The following RGMB variants were observed in gnomAD, a reference collection of about 807,000 sequenced individuals.
RGMB encodes the protein repulsive guidance molecule BMP co-receptor b.
In RGMB, 16 loss-of-function variants were observed where a neutral mutation model predicts 26.9. The observed-to-expected ratio is 0.60, with a 90% CI of 0.40 to 0.90. The LOEUF (loss-of-function observed/expected upper bound fraction) is 0.90, where lower values mean the gene tolerates loss of function less well. Ranked by LOEUF, RGMB falls within the 40% of genes least tolerant of loss-of-function variation. The probability of loss-of-function intolerance (pLI) is 0.00; values close to 1 mark genes in which losing one functional copy is unlikely to be tolerated. For synonymous variants in RGMB, 225 were observed against 229.3 expected, an observed-to-expected ratio of 0.98 and a Z score of 0.17; for missense variants, 512 against 573.3, an observed-to-expected ratio of 0.89 and a Z score of 1.09.
chr5:98,791,563 TAGA>T (rs1012895280), intron 2 of RGMB, among the ~76,000 whole-genome samples: 2 of 152,084 alleles, frequency 1.3e-5, no homozygotes, highest in African/African-American at 4.8e-5. Flanking sequence ...TTGCAGGAGG[TAGA>T]AGGTTTCCTC....
At chr5:98,791,942 A>T (rs1019654455) in intron 2 of RGMB, among the ~76,000 whole-genome samples, 2 of 152,120 alleles carry the variant, frequency 1.3e-5, no homozygotes, top group African/African-American at 4.8e-5. Context: ...TTTTTCTTTG[A>T]TGAATTTATG....
At chr5:98,788,487 C>A (rs1383709926) in intron 2 of RGMB, among the ~76,000 whole-genome samples, 2 of 152,096 alleles carry the variant, frequency 1.3e-5, no homozygotes, top group Non-Finnish European at 2.9e-5. Context: ...TTAAATATGG[C>A]ATATATAAAA....
intron 1 of RGMB, among the ~76,000 whole-genome samples, chr5:98,776,988 AG>A (rs1356896146): frequency 6.6e-6 from 1 of 151,768 alleles, no homozygotes; most frequent in Admixed American, 6.6e-5. Context: ...AGGGAGGCTG[AG>A]GTAGGAGAAT....
At chr5:98,772,376 T>G (rs1746194465), upstream of RGMB, among the ~76,000 whole-genome samples, 1 of 152,230 alleles carries the variant, frequency 6.6e-6, no homozygotes, top group African/African-American at 2.4e-5. Context: ...TGCCCCTCAA[T>G]TATCCTAGTC....
intron 2 of RGMB, among the ~76,000 whole-genome samples, chr5:98,792,481 C>T (rs953041743): frequency 3.3e-5 from 5 of 152,090 alleles, no homozygotes; most frequent in African/African-American, 9.7e-5. Context: ...TGCCTGTAAT[C>T]CCAGCACTTT....
chr5:98,774,020 G>T lies in RGMB; in HGVS notation c.-51G>T. The T allele has an allele frequency of 4.5e-6, 3 of 669,160 alleles. No individual in the cohort carries two copies. The allele number at this position is 669,160 out of a possible 1,614,324, so 41.5% of individuals were successfully genotyped here. A position where few individuals can be genotyped will look rare whatever the true frequency, so the allele number is the denominator to read the frequency against. On this transcript the variant is annotated 5_prime_UTR_variant, in exon 1 of 3. Transcript: ENST00000513185. ...CAGCCACGGGCCCAGACCCGCCACG[G>T]CGCCCGCGCCGCCGCCCTCGCCGGA...
chr5:98,770,764 G>T, upstream of RGMB: 1 of 737,638 alleles, frequency 1.4e-6, no homozygotes, highest in South Asian at 4.0e-5. Flanking sequence ...TTTCCTTACT[G>T]TTCTAACGCT....
chr5:98,784,551 G>T (rs190195514), intron 2 of RGMB, among the ~76,000 whole-genome samples: 29 of 152,234 alleles, frequency 1.9e-4, no homozygotes, highest in Non-Finnish European at 2.1e-4. Flanking sequence ...ACAGCATGTG[G>T]GCATGTAAAC....
intron 2 of RGMB, chr5:98,792,826 C>A: frequency 3.5e-6 from 1 of 284,910 alleles, no homozygotes; most frequent in Admixed American, 4.8e-5. Flanking sequence ...CTCACTTGCT[C>A]ACTCTTTCTC....
upstream of RGMB, chr5:98,770,467 G>C: frequency 4.6e-6 from 2 of 431,328 alleles, no homozygotes; most frequent in Non-Finnish European, 8.2e-6. Flanking sequence ...TGAGAGCAGC[G>C]GCGGAGCCCG....
chr5:98,772,093 C>T (rs1746184141), upstream of RGMB, among the ~76,000 whole-genome samples: 1 of 152,022 alleles, frequency 6.6e-6, no homozygotes, highest in African/African-American at 2.4e-5. Context: ...ATACTTAGTC[C>T]GCAGCATTAT....
rs1747122119 is a variant in RGMB, at chr5:98,796,336, T to TTCCC, written c.*2583_*2584insTCCC. 1.1e-5 allele frequency: 1 copy of TTCCC among 93,700 alleles called. No homozygotes were observed. Among genetic ancestry groups the TTCCC allele is most frequent in the Non-Finnish European group, 2.3e-5 (1 of 42,716 alleles). 5.8% of individuals were successfully genotyped at this position (93,700 alleles called of 1,614,324 possible). A position where few individuals can be genotyped will look rare whatever the true frequency, so the allele number is the denominator to read the frequency against. ...TGTCCTCTTTGTTATGCTTGGAAGC[T>TTCCC]CCCCCCCCCCCAACAGTGTGTCGAG... is the stretch of plus-strand genomic sequence containing the variant. On this transcript the variant is annotated 3_prime_UTR_variant, in exon 3 of 3. Transcript: ENST00000513185.
rs2112333133 is a variant in RGMB at position 98,773,727 on chromosome 5, C to G, written c.-344C>G. 5.3e-6 allele frequency: 2 copies of G among 377,940 alleles called. No homozygotes were observed. The highest frequency in any genetic ancestry group is 7.0e-4 in the Middle Eastern group (1 of 1,432). The allele number at this position is 377,940 out of a possible 1,614,324, so 23.4% of individuals were successfully genotyped here. ...TGGGCCAGCCTCTTGGAGGTCCACG[C>G]CCGCCGAGCCCACGCTGGCTGGGGC... On this transcript the variant is annotated 5_prime_UTR_variant, in exon 1 of 3. Transcript: ENST00000513185.
chr5:98,793,348 C>T lies in RGMB; in HGVS notation c.909C>T (p.Tyr303=), dbSNP rs770361963. ...TGCCTGAAGACCTGGCCATGTCCTA[C>T]GAGGAGAGCCAGGACCTGCAGCTGT... ...IRMPEDLAMS[Y]EESQDLQLCV... Residue 303 remains tyrosine (Y), a synonymous_variant, in exon 3 of 3, where the codon TAC becomes TAT. Coordinates refer to ENST00000513185, the MANE Select transcript of RGMB (RefSeq NM_001366508.1). 3.7e-6 allele frequency: 6 copies of T among 1,613,790 alleles called. No individual in the cohort carries two copies. The Admixed American group carries it at 5.0e-5, about 13-fold the overall frequency.
chr5:98,774,001 C>G lies in RGMB; in HGVS notation c.-70C>G, dbSNP rs771521678. The G allele has an allele frequency of 5.9e-4, 378 of 636,134 alleles. 2 individuals carry two copies. Among genetic ancestry groups the G allele is most frequent in the Admixed American group, 2.8e-3 (101 of 36,198 alleles). 39.4% of individuals were successfully genotyped at this position (636,134 alleles called of 1,614,324 possible). On this transcript the variant is annotated 5_prime_UTR_variant, in exon 1 of 3. Coordinates refer to ENST00000513185, the MANE Select transcript of RGMB (RefSeq NM_001366508.1). Reference sequence around the variant, plus strand: ...CGCCCCCCGGCCCATGCCGCAGCCACGGGCCCAGACCCGCCACGGCGCCCG... The same window carrying G: ...CGCCCCCCGGCCCATGCCGCAGCCAGGGGCCCAGACCCGCCACGGCGCCCG...
intron 2 of RGMB, among the ~76,000 whole-genome samples, chr5:98,781,998 A>G (rs1746622200): frequency 6.6e-6 from 1 of 152,242 alleles, no homozygotes; most frequent in Non-Finnish European, 1.5e-5. Flanking sequence ...CCCATTCAAA[A>G]AAAGTTGGAG....
At chr5:98,790,887 TACTA>T (rs762095017) in intron 2 of RGMB, among the ~76,000 whole-genome samples, 18 of 152,208 alleles carry the variant, frequency 1.2e-4, no homozygotes, top group Non-Finnish European at 2.4e-4. Flanking sequence ...AAAAGTCTAT[TACTA>T]ACTCTTATTT....
At chr5:98,772,114 C>A (rs1746184843), upstream of RGMB, among the ~76,000 whole-genome samples, 1 of 152,158 alleles carries the variant, frequency 6.6e-6, no homozygotes, top group African/African-American at 2.4e-5. Flanking sequence ...CTAAAAATGT[C>A]ATATAACTTC....
chr5:98,773,768 C>T lies in RGMB; in HGVS notation c.-303C>T, dbSNP rs115735063. 4.9e-3 allele frequency: 1,907 copies of T among 388,096 alleles called. 31 individuals are homozygous for T. Among genetic ancestry groups the T allele is most frequent in the African/African-American group, 0.036 (1,739 of 47,808 alleles). The allele number at this position is 388,096 out of a possible 1,614,324, so 24.0% of individuals were successfully genotyped here. ...TGGCTGGGGCCGGGGTGCCGGCGCG[C>T]TCGGGACTCGTCTCAGCAGTCGCTC... On this transcript the variant is annotated 5_prime_UTR_variant, in exon 1 of 3. Transcript: ENST00000513185.
Sources: gnomAD v4.1 joint callset for allele counts (sites outside exome capture counted in the v4.1 genomes callset) on GRCh38, gnomAD v4.1.1 for gene constraint, MANE v1.5 for transcripts, NCBI Gene and HGNC (gene_info 2026-07-23, HGNC 2026-07-21) for gene names.